The following EMID1 variants were observed in gnomAD, a reference collection of about 807,000 sequenced individuals.
EMID1 encodes the protein EMI domain-containing protein 1.
Under a neutral mutation model 60.6 loss-of-function variants are expected in EMID1, and 40 were observed. The ratio of observed to expected loss-of-function variants is 0.66; its 90% confidence interval spans 0.51 to 0.86. The LOEUF (loss-of-function observed/expected upper bound fraction) is 0.86. Among genes scored for constraint, EMID1 ranks in the 40% least tolerant of loss-of-function variants. The pLI, the probability that EMID1 is intolerant of heterozygous loss-of-function variation, is 0.00. For missense variants in EMID1, 585 were observed against 597.1 expected (o/e 0.98, Z 0.21); for synonymous variants, 242 against 231.0 (o/e 1.05, Z -0.43).
At chr22:29,251,398 T>A (rs1310178940) in intron 13 of EMID1, among the ~76,000 whole-genome samples, 1 of 125,384 alleles carries the variant, frequency 8.0e-6, no homozygotes, top group Admixed American at 8.4e-5. Flanking sequence ...TTTTTTTTTT[T>A]AGAGATGGGG....
chr22:29,236,674 G>C (rs1435745267), intron 12 of EMID1, among the ~76,000 whole-genome samples: 1 of 152,044 alleles, frequency 6.6e-6, no homozygotes, highest in Non-Finnish European at 1.5e-5. Flanking sequence ...CTGGGCGACA[G>C]AGTGAGACTC....
intron 3 of EMID1, among the ~76,000 whole-genome samples, chr22:29,217,506 C>T (rs2146170554): frequency 6.6e-6 from 1 of 152,356 alleles, no homozygotes; most frequent in South Asian, 2.1e-4. Flanking sequence ...CTTGGGGGTG[C>T]TGCACTCCAG....
At chr22:29,235,221 A>C (rs2040900025) in intron 12 of EMID1, among the ~76,000 whole-genome samples, 1 of 151,860 alleles carries the variant, frequency 6.6e-6, no homozygotes, top group Admixed American at 6.6e-5. Context: ...GGTGGTAGGC[A>C]CCTGTAATCC....
intron 13 of EMID1, among the ~76,000 whole-genome samples, chr22:29,251,123 C>T (rs2041513467): frequency 6.6e-6 from 1 of 151,322 alleles, no homozygotes; most frequent in South Asian, 2.1e-4. Flanking sequence ...GGGTCTCTGT[C>T]GCCCTGGCTG....
At position 29,256,077 on chromosome 22, in the gene EMID1, G is replaced by T. The variant is rs563700465; in HGVS notation, c.1204+1790G>T. Among the ~76,000 whole-genome samples, 3 of 152,272 alleles carry T rather than the reference G, an allele frequency of 2.0e-5. No homozygotes were observed. The East Asian group carries it at 5.8e-4, about 29-fold the overall frequency. On this transcript the variant is annotated intron_variant, in intron 14 of 14. Coordinates refer to ENST00000334018, the MANE Select transcript of EMID1 (RefSeq NM_133455.4). ...AAGGAAGGGATTGGCCACCCGAGGG[G>T]CTGAGCTCTATTCCTCACCTGCCCA...
chr22:29,248,259 C>CTTTTTTTTTTTTTTTTTTTTTTTT (rs33924066), intron 13 of EMID1, among the ~76,000 whole-genome samples: 1 of 116,088 alleles, frequency 8.6e-6, no homozygotes, highest in Non-Finnish European at 1.7e-5. Flanking sequence ...GTGCCTGGCC[C>CTTTTTTTTTTTTTTTTTTTTTTTT]TTTTTTTTTT....
chr22:29,222,691 A>C (rs1400744918), intron 3 of EMID1, among the ~76,000 whole-genome samples: 1 of 152,142 alleles, frequency 6.6e-6, no homozygotes, highest in Non-Finnish European at 1.5e-5. Flanking sequence ...GGCGTGAGCC[A>C]CTGTGCCTGG....
chr22:29,238,638 C>G (rs1205522583), intron 12 of EMID1, among the ~76,000 whole-genome samples: 1 of 143,520 alleles, frequency 7.0e-6, no homozygotes, highest in Non-Finnish European at 1.5e-5. Flanking sequence ...AGGCTGGTCT[C>G]AAACTTCTGA....
intron 13 of EMID1, among the ~76,000 whole-genome samples, chr22:29,252,192 C>G (rs371398415): frequency 4.6e-5 from 7 of 152,264 alleles, no homozygotes; most frequent in East Asian, 1.9e-4. Flanking sequence ...CCCTGGGACC[C>G]CCAGGCTGAA....
chr22:29,236,134 C>T (rs1468846875), intron 12 of EMID1, among the ~76,000 whole-genome samples: 3 of 152,164 alleles, frequency 2.0e-5, no homozygotes, highest in African/African-American at 7.2e-5. Context: ...TGGCCCACAC[C>T]TGTAATTCCA....
chr22:29,252,126 G>T (rs897911758), intron 13 of EMID1, among the ~76,000 whole-genome samples: 4 of 152,150 alleles, frequency 2.6e-5, no homozygotes, highest in Non-Finnish European at 5.9e-5. Flanking sequence ...TTCATTTTTA[G>T]ATCCTGCCCC....
At chr22:29,216,561 C>T in intron 3 of EMID1, 7 of 985,466 alleles carry the variant, frequency 7.1e-6, no homozygotes, top group Non-Finnish European at 7.2e-6. Flanking sequence ...TACCCCAATT[C>T]CGGAAACACA....
intron 8 of EMID1, 95 bp from the exon 9 acceptor site, chr22:29,233,284 T>G: frequency 7.4e-7 from 1 of 1,348,184 alleles, no homozygotes; most frequent in Non-Finnish European, 1.1e-6. Context: ...GGCTGCCCCA[T>G]AGGGCAGTCC....
chr22:29,231,267 T>C, intron 6 of EMID1, 127 bp downstream of exon 6: 1 of 1,385,260 alleles, frequency 7.2e-7, no homozygotes, highest in Non-Finnish European at 9.6e-7. Flanking sequence ...AGTCTTCCCA[T>C]TTCCCGTTTC....
intron 12 of EMID1, among the ~76,000 whole-genome samples, chr22:29,237,526 C>T (rs1167212962): frequency 2.1e-5 from 3 of 143,674 alleles, no homozygotes; most frequent in Admixed American, 6.8e-5. Flanking sequence ...TGGCCAGGCA[C>T]GGTGGCTCAC....
chr22:29,216,732 T>C, intron 3 of EMID1: 1 of 903,272 alleles, frequency 1.1e-6, no homozygotes, highest in Non-Finnish European at 1.3e-6. Context: ...TGGAGTGGAG[T>C]GCCCAGAGGC....
rs1221097856 is a variant in EMID1, at chr22:29,206,179, G to A, written c.101+40G>A. On this transcript the variant is annotated intron_variant, in intron 1 of 14. Coordinates refer to ENST00000334018, the MANE Select transcript of EMID1 (RefSeq NM_133455.4). The stretch of plus-strand genomic sequence containing the variant: ...CGCCTTTGCACCCCGCTGGCCGAGG[G>A]TCCCGGCGCGCACACGCCCCCACCT... 21 of 1,213,718 alleles carry A rather than the reference G, an allele frequency of 1.7e-5. No individual in the cohort carries two copies. The East Asian group carries it at 6.7e-4, about 39-fold the overall frequency. The allele number at this position is 1,213,718 out of a possible 1,614,324, so 75.2% of individuals were successfully genotyped here. A position where few individuals can be genotyped will look rare whatever the true frequency, so the allele number is the denominator to read the frequency against.
rs75684000 is a variant in EMID1 at position 29,206,147 on chromosome 22, C to T, written c.101+8C>T. The T allele has an allele frequency of 0.078, 96,107 of 1,229,484 alleles. 4,203 individuals are homozygous for T. The highest frequency in any genetic ancestry group is 0.084 in the Non-Finnish European group (82,934 of 986,154). 76.2% of individuals were successfully genotyped at this position (1,229,484 alleles called of 1,614,324 possible). A position where few individuals can be genotyped will look rare whatever the true frequency, so the allele number is the denominator to read the frequency against. ...TCCGTTCTCCGGACGCAGGTAAGAG[C>T]TCCCGGCGCCTTTGCACCCCGCTGG... On this transcript the variant is annotated splice_region_variant and intron_variant, in intron 1 of 14. Transcript: ENST00000334018.
intron 13 of EMID1, among the ~76,000 whole-genome samples, chr22:29,244,357 G>A (rs775162361): frequency 5.3e-5 from 8 of 152,104 alleles, no homozygotes; most frequent in Non-Finnish European, 8.8e-5. Flanking sequence ...CTTGGAGGCC[G>A]AGGCGGGTAG....
Sources: gnomAD v4.1 joint callset for allele counts (sites outside exome capture counted in the v4.1 genomes callset) on GRCh38, gnomAD v4.1.1 for gene constraint, MANE v1.5 for transcripts, NCBI Gene and HGNC (gene_info 2026-07-23, HGNC 2026-07-21) for gene names.